Variants in RAI1 observed in about 807,000 individuals in gnomAD.
RAI1 encodes retinoic acid-induced protein 1.
In RAI1, 9 loss-of-function variants were observed where a neutral mutation model predicts 123.8. The ratio of observed to expected loss-of-function variants is 0.07; its 90% confidence interval spans 0.04 to 0.13. The LOEUF (loss-of-function observed/expected upper bound fraction) is 0.13. Ranked by LOEUF, RAI1 falls within the 10% of genes least tolerant of loss-of-function variation. The probability of loss-of-function intolerance (pLI) is 1.00; values close to 1 mark genes in which losing one functional copy is unlikely to be tolerated. For synonymous variants in RAI1, 1,231 were observed against 1,127.3 expected, an observed-to-expected ratio of 1.09 and a Z score of -1.84; for missense variants, 2,256 against 2,545.8, an observed-to-expected ratio of 0.89 and a Z score of 2.45.
Position 17,793,642 on chromosome 17 carries a change from G to A in RAI1, c.694G>A (p.Gly232Arg), listed in dbSNP as rs1161539913. Reference sequence around the variant, plus strand: ...CTCCTCTGTCCAGGGTGGTGGGCAGGGGGCCCACTCCTATAAGAGTTGCAC... The same window carrying A: ...CTCCTCTGTCCAGGGTGGTGGGCAGAGGGCCCACTCCTATAAGAGTTGCAC... Reference protein sequence around the residue: ...YSSSVQGGGQGAHSYKSCTAP... With the variant: ...YSSSVQGGGQRAHSYKSCTAP... Residue 232 changes from glycine to arginine, a missense_variant, in exon 3 of 6, where the codon GGG (glycine) becomes AGG (arginine). Transcript: ENST00000353383. 1 of 1,613,292 alleles carries A rather than the reference G, an allele frequency of 6.2e-7. No individual in the cohort carries two copies. Among genetic ancestry groups the A allele is most frequent in the Admixed American group, 1.7e-5 (1 of 60,012 alleles).
intron 2 of RAI1, among the ~76,000 whole-genome samples, chr17:17,783,819 C>A (rs2031717754): frequency 1.3e-5 from 2 of 152,132 alleles, no homozygotes; most frequent in African/African-American, 2.4e-5. Context: ...AGTCGCAGAC[C>A]CTAATTGTCA....
intron 2 of RAI1, among the ~76,000 whole-genome samples, chr17:17,754,268 G>A (rs1049944243): frequency 4.3e-5 from 6 of 139,270 alleles, no homozygotes; most frequent in South Asian, 4.6e-4. Context: ...GCAATGGCGC[G>A]ATCTCGGCTC....
intron 2 of RAI1, among the ~76,000 whole-genome samples, chr17:17,784,066 C>T (rs2031730117): frequency 6.6e-6 from 1 of 152,142 alleles, no homozygotes; most frequent in African/African-American, 2.4e-5. Context: ...AAGCAGTTTG[C>T]GGTGTGGCAG....
At chr17:17,788,651 C>T (rs943003143) in intron 2 of RAI1, among the ~76,000 whole-genome samples, 1 of 152,152 alleles carries the variant, frequency 6.6e-6, no homozygotes, top group Non-Finnish European at 1.5e-5. Flanking sequence ...CATAAAACCA[C>T]CTTGGGTAAG....
At chr17:17,715,174 T>C (rs1002612567) in intron 1 of RAI1, among the ~76,000 whole-genome samples, 1 of 152,250 alleles carries the variant, frequency 6.6e-6, no homozygotes, top group African/African-American at 2.4e-5. Flanking sequence ...CCATCATTTT[T>C]CCCAATCCTC....
chr17:17,701,795 C>T (rs1166205145), intron 1 of RAI1, among the ~76,000 whole-genome samples: 1 of 152,200 alleles, frequency 6.6e-6, no homozygotes, highest in Admixed American at 6.5e-5. Flanking sequence ...TCCCATCCCT[C>T]CTCCCTTTGT....
chr17:17,773,330 G>A (rs1385377665), intron 2 of RAI1, among the ~76,000 whole-genome samples: 1 of 152,148 alleles, frequency 6.6e-6, no homozygotes, highest in Non-Finnish European at 1.5e-5. Context: ...CACATCAGGC[G>A]CTCCACAGAC....
intron 2 of RAI1, among the ~76,000 whole-genome samples, chr17:17,733,937 G>T (rs758615206): frequency 6.6e-6 from 1 of 152,124 alleles, no homozygotes; most frequent in African/African-American, 2.4e-5. Flanking sequence ...CCAATGCAAA[G>T]GTCTGGCCAT....
At chr17:17,772,744 C>T (rs951538889) in intron 2 of RAI1, among the ~76,000 whole-genome samples, 3 of 152,190 alleles carry the variant, frequency 2.0e-5, no homozygotes, top group African/African-American at 4.8e-5. Context: ...TCAGGTATGA[C>T]GTAGGGCCCT....
chr17:17,752,481 A>T (rs891229929), intron 2 of RAI1, among the ~76,000 whole-genome samples: 22 of 152,186 alleles, frequency 1.4e-4, no homozygotes, highest in Non-Finnish European at 2.9e-4. Context: ...CTTCCGGAAC[A>T]GCCGCCCCGG....
In RAI1 at chr17:17,800,275, CG is replaced by C. The variant is rs1486927968; in HGVS notation, c.5565+1763del. Among the ~76,000 whole-genome samples the C allele has an allele frequency of 2.0e-5, 3 of 150,266 alleles. No homozygotes were observed. Among genetic ancestry groups the C allele is most frequent in the Non-Finnish European group, 4.4e-5 (3 of 67,674 alleles). The stretch of plus-strand genomic sequence containing the variant: ...CCTTGAAACAGGTTCAAGTCTCTCC[CG>C]TCATCAAAAAATAATAACCCTCAGA... On this transcript the variant is annotated intron_variant, in intron 3 of 5. Coordinates refer to ENST00000353383, the MANE Select transcript of RAI1 (RefSeq NM_030665.4). The surrounding 1 kb of genome is among the most constrained non-coding windows in gnomAD (Gnocchi z 4.7).
At chr17:17,717,650 TC>T (rs1473111870) in intron 1 of RAI1, among the ~76,000 whole-genome samples, 1 of 151,412 alleles carries the variant, frequency 6.6e-6, no homozygotes, top group East Asian at 1.9e-4. Flanking sequence ...GTCCTCTCTT[TC>T]CCCCAGCCAG....
At chr17:17,684,959 G>T (rs1914580997) in intron 1 of RAI1, 1 of 152,176 alleles carries the variant, frequency 6.6e-6, no homozygotes, top group African/African-American at 2.4e-5. Context: ...TAACAGTACA[G>T]ACCTCACGGT....
chr17:17,763,049 T>TA (rs1555561231), intron 2 of RAI1, among the ~76,000 whole-genome samples: 1 of 109,796 alleles, frequency 9.1e-6, no homozygotes, highest in Non-Finnish European at 2.3e-5. Context: ...GAGGCTTTTC[T>TA]GGAAAAAAAA....
At chr17:17,745,557 C>T (rs1038697427) in intron 2 of RAI1, among the ~76,000 whole-genome samples, 11 of 152,012 alleles carry the variant, frequency 7.2e-5, no homozygotes, top group African/African-American at 9.7e-5. Flanking sequence ...GCCACCACGC[C>T]TGGCTATTTT....
chr17:17,802,875 GGAGTTC>G (rs1415659274), intron 3 of RAI1, among the ~76,000 whole-genome samples: 1 of 152,018 alleles, frequency 6.6e-6, no homozygotes, highest in African/African-American at 2.4e-5. Context: ...CCTGAGGTCG[GGAGTTC>G]GAGACCAGCC....
In RAI1 at chr17:17,810,023, G is replaced by A; in HGVS notation, c.*42G>A. 6.5e-7 allele frequency: 1 copy of A among 1,543,096 alleles called. No homozygotes were observed. The highest frequency in any genetic ancestry group is 8.7e-7 in the Non-Finnish European group (1 of 1,144,644). On this transcript the variant is annotated 3_prime_UTR_variant, in exon 6 of 6. Coordinates refer to ENST00000353383, the MANE Select transcript of RAI1 (RefSeq NM_030665.4). The surrounding 1 kb of genome is among the most constrained non-coding windows in gnomAD (Gnocchi z 4.6). ...CCGGAGGAGCCGCCGGAGCCCGCCT[G>A]CCCGCCCGCCGCCGAAGGAGAGGAG...
intron 1 of RAI1, among the ~76,000 whole-genome samples, chr17:17,697,850 TTGTG>T (rs1381535909): frequency 2.0e-5 from 3 of 152,180 alleles, no homozygotes; most frequent in African/African-American, 7.2e-5. Context: ...CACACGTTCT[TTGTG>T]TGTTGGGGGC....
At chr17:17,792,845 C>G in intron 2 of RAI1, 88 bp from the exon 3 acceptor site, 1 of 1,078,458 alleles carries the variant, frequency 9.3e-7, no homozygotes, top group Non-Finnish European at 1.4e-6. Flanking sequence ...GGAAGTGGCC[C>G]GTCTGAATCG....
Sources: allele counts gnomAD v4.1 joint callset (sites outside exome capture counted in the v4.1 genomes callset), GRCh38; gene constraint gnomAD v4.1.1; non-coding constraint Gnocchi (gnomAD v3.1); transcripts MANE v1.5; gene names NCBI Gene and HGNC (gene_info 2026-07-23, HGNC 2026-07-21).